RAB12: variants seen among roughly 807,000 people sequenced by gnomAD.
RAB12 encodes ras-related protein Rab-12.
A neutral mutation model predicts 28.4 loss-of-function variants in RAB12; 11 were observed. That is an observed-to-expected ratio of 0.39 (90% CI 0.24 to 0.64). The LOEUF is 0.64. Among genes scored for constraint, RAB12 ranks in the 30% least tolerant of loss-of-function variants. RAB12 has a pLI of 0.50. For synonymous variants in RAB12, 138 were observed against 145.3 expected (o/e 0.95, Z 0.36); for missense variants, 276 against 351.1 (o/e 0.79, Z 1.71).
intron 4 of RAB12, among the ~76,000 whole-genome samples, chr18:8,635,950 G>T (rs1301668257): frequency 1.3e-5 from 2 of 152,208 alleles, no homozygotes; most frequent in Admixed American, 1.3e-4. Flanking sequence ...GCTAAGGATT[G>T]AATCATGGAG....
At chr18:8,622,784 G>A (rs1253665730) in intron 1 of RAB12, among the ~76,000 whole-genome samples, 1 of 152,122 alleles carries the variant, frequency 6.6e-6, no homozygotes, top group Non-Finnish European at 1.5e-5. Context: ...CACCCCTACA[G>A]CCTTGACCAT....
chr18:8,619,607 T>C (rs2096008629), intron 1 of RAB12, among the ~76,000 whole-genome samples: 1 of 152,188 alleles, frequency 6.6e-6, no homozygotes, highest in African/African-American at 2.4e-5. Flanking sequence ...TGACTTTTAT[T>C]ATAATAACCT....
chr18:8,632,791 GGATT>G (rs1003068575), intron 2 of RAB12: 60 of 235,838 alleles, frequency 2.5e-4, no homozygotes, highest in Middle Eastern at 1.5e-3. Context: ...GAATTCTTAG[GGATT>G]GATTGTTTGG....
At chr18:8,630,412 A>G (rs537165601) in intron 2 of RAB12, among the ~76,000 whole-genome samples, 4 of 152,338 alleles carry the variant, frequency 2.6e-5, no homozygotes, top group African/African-American at 9.6e-5. Context: ...CCTAGGTTTT[A>G]TCATGTAGAT....
At chr18:8,629,046 T>C (rs750990750) in intron 2 of RAB12, among the ~76,000 whole-genome samples, 5 of 152,164 alleles carry the variant, frequency 3.3e-5, no homozygotes, top group Non-Finnish European at 7.3e-5. Flanking sequence ...GTAGAAAAAA[T>C]GCTTATTATT....
Position 8,627,448 on chromosome 18 carries a change from T to TA in RAB12, c.575+2451dup, listed in dbSNP as rs539399413. ...AGTACCAAAAGCTGCAGGTGTCTGT[T>TA]ACATTTTTACGTCACGTTTTATGTC... is the stretch of plus-strand genomic sequence containing the variant. On this transcript the variant is annotated intron_variant, in intron 2 of 5. Transcript: ENST00000649141. Among the ~76,000 whole-genome samples, 247 of 152,366 alleles carry TA rather than the reference T, an allele frequency of 1.6e-3. 1 individual carries two copies. The highest frequency in any genetic ancestry group is 2.5e-3 in the Non-Finnish European group (169 of 68,040).
chr18:8,617,766 G>T (rs1327344298), intron 1 of RAB12, among the ~76,000 whole-genome samples: 1 of 152,192 alleles, frequency 6.6e-6, no homozygotes, highest in Non-Finnish European at 1.5e-5. Flanking sequence ...CCGGGAGCCA[G>T]GCAACCCAGG....
chr18:8,610,810 C>CTTCCGTGAT (rs1336196216), intron 1 of RAB12, among the ~76,000 whole-genome samples: 1 of 152,192 alleles, frequency 6.6e-6, no homozygotes, highest in Non-Finnish European at 1.5e-5. Flanking sequence ...AGGGCAGTCA[C>CTTCCGTGAT]TTCCGTGATA....
At chr18:8,612,434 T>G (rs540895203) in intron 1 of RAB12, among the ~76,000 whole-genome samples, 22 of 152,204 alleles carry the variant, frequency 1.4e-4, no homozygotes, top group Non-Finnish European at 2.9e-4. Flanking sequence ...TTTTCTAGTT[T>G]CATCTTCATG....
At chr18:8,631,141 C>T (rs988099063) in intron 2 of RAB12, among the ~76,000 whole-genome samples, 1 of 152,202 alleles carries the variant, frequency 6.6e-6, no homozygotes, top group Non-Finnish European at 1.5e-5. Context: ...TTGCCCACCT[C>T]AGCTTCACAA....
chr18:8,616,394 A>AAC (rs2096006697), intron 1 of RAB12, among the ~76,000 whole-genome samples: 1 of 151,928 alleles, frequency 6.6e-6, no homozygotes, highest in Admixed American at 6.6e-5. Context: ...AAAAAAAAAA[A>AAC]AAAAAACTTG....
chr18:8,622,015 T>G (rs1390131137), intron 1 of RAB12, among the ~76,000 whole-genome samples: 1 of 152,204 alleles, frequency 6.6e-6, no homozygotes, highest in African/African-American at 2.4e-5. Flanking sequence ...ATAGTCCTAG[T>G]GTAGGACTGC....
intron 2 of RAB12, among the ~76,000 whole-genome samples, chr18:8,626,936 G>A (rs2096013055): frequency 6.6e-6 from 1 of 152,326 alleles, no homozygotes; most frequent in Admixed American, 6.5e-5. Context: ...CTCTTTTCCT[G>A]CAGGAAGGTT....
At chr18:8,637,117 T>G (rs1390781799) in intron 5 of RAB12, among the ~76,000 whole-genome samples, 4 of 151,908 alleles carry the variant, frequency 2.6e-5, no homozygotes, top group African/African-American at 9.7e-5. Flanking sequence ...AATTTAAAAA[T>G]TAGCAAGGTG....
intron 2 of RAB12, among the ~76,000 whole-genome samples, chr18:8,626,038 T>A (rs888514): frequency 0.12 from 18,281 of 152,314 alleles, 1,310 homozygotes; most frequent in Admixed American, 0.17. Context: ...AACACACTTC[T>A]AAGATTTTTT....
intron 3 of RAB12, chr18:8,635,280 T>C (rs2096018226): frequency 3.5e-6 from 1 of 283,230 alleles, no homozygotes; most frequent in Non-Finnish European, 6.6e-6. Flanking sequence ...TAGGAAGAGG[T>C]CTTGGGAATT....
At chr18:8,620,959 G>A (rs2096009574) in intron 1 of RAB12, among the ~76,000 whole-genome samples, 1 of 152,214 alleles carries the variant, frequency 6.6e-6, no homozygotes, top group Non-Finnish European at 1.5e-5. Context: ...AAAGACAGAT[G>A]CTTTGCCAAG....
chr18:8,633,884 G>A (rs2096017358), intron 3 of RAB12, among the ~76,000 whole-genome samples: 1 of 152,134 alleles, frequency 6.6e-6, no homozygotes, highest in African/African-American at 2.4e-5. Context: ...TGGGTTCTCC[G>A]CTAAGAAACA....
chr18:8,632,194 C>T (rs2096016340), intron 2 of RAB12, among the ~76,000 whole-genome samples: 1 of 149,662 alleles, frequency 6.7e-6, no homozygotes, highest in Admixed American at 6.8e-5. Flanking sequence ...AGGAGAATCG[C>T]TTGAACTCGG....
Sources: allele counts gnomAD v4.1 joint callset (sites outside exome capture counted in the v4.1 genomes callset), GRCh38; gene constraint gnomAD v4.1.1; transcripts MANE v1.5; gene names NCBI Gene and HGNC (gene_info 2026-07-23, HGNC 2026-07-21).